The following ACSM2B variants were observed in gnomAD, a reference collection of about 807,000 sequenced individuals.
ACSM2B encodes acyl-CoA synthetase medium chain family member 2B, also known as acyl-coenzyme A synthetase ACSM2B, mitochondrial.
In ACSM2B, 58 loss-of-function variants were observed where a neutral mutation model predicts 78.6. The ratio of observed to expected loss-of-function variants is 0.74; its 90% CI spans 0.60 to 0.92. The LOEUF (loss-of-function observed/expected upper bound fraction) is 0.92. Among genes scored for constraint, ACSM2B ranks in the 40% least tolerant of loss-of-function variants. The pLI is 0.00. For missense variants in ACSM2B, 688 were observed against 711.2 expected, an observed-to-expected ratio of 0.97 and a Z score of 0.37; for synonymous variants, 257 against 256.8, an observed-to-expected ratio of 1.00 and a Z score of -0.01.
intron 10 of ACSM2B, among the ~76,000 whole-genome samples, chr16:20,543,559 C>T (rs926016133): frequency 9.2e-5 from 14 of 152,190 alleles, no homozygotes; most frequent in African/African-American, 2.9e-4. Flanking sequence ...CAATTGATTC[C>T]ATCTCTCCTT....
intron 1 of ACSM2B, chr16:20,575,700 C>A (rs1228802265): frequency 6.8e-6 from 1 of 147,104 alleles, no homozygotes; most frequent in Admixed American, 6.8e-5. Flanking sequence ...TTTGACAACA[C>A]CCTCACAGAC....
chr16:20,540,554 T>C, intron 13 of ACSM2B, 100 bp downstream of exon 13: 1 of 1,546,940 alleles, frequency 6.5e-7, no homozygotes, highest in Non-Finnish European at 8.7e-7. Flanking sequence ...AGGAAGACTT[T>C]TTAAAATTAG....
rs1227644276 is a variant in ACSM2B, at chr16:20,540,698, G to A, written c.1585C>T (p.Gln529Ter). The A allele has an allele frequency of 6.2e-7, 1 of 1,614,024 alleles. No individual in the cohort carries two copies. Among genetic ancestry groups the A allele is most frequent in the African/African-American group, 1.3e-5 (1 of 74,922 alleles). ...GGGGCTGTCACTGACTTCACATGCT[G>A]CTGCAGCTCCTTGGTGAGCTGTTCT... ...DPEQLTKELQ[Q>*]HVKSVTAPYK... Residue 529 changes from glutamine to a stop codon, truncating the protein, a stop_gained, in exon 13 of 14, where the codon CAG (glutamine) becomes TAG (stop). Coordinates refer to ENST00000329697, the MANE Select transcript of ACSM2B (RefSeq NM_001105069.2). LOFTEE classifies it high-confidence loss of function.
intron 13 of ACSM2B, 57 bp downstream of exon 13, chr16:20,540,597 A>T: frequency 3.1e-6 from 5 of 1,597,004 alleles, no homozygotes; most frequent in Non-Finnish European, 4.3e-6. Flanking sequence ...AGATAAATAT[A>T]ACAGGAAAAC....
chr16:20,570,963 C>CT (rs988467261), intron 1 of ACSM2B, among the ~76,000 whole-genome samples: 16 of 145,078 alleles, frequency 1.1e-4, no homozygotes, highest in East Asian at 3.9e-4. Flanking sequence ...TTTCTCTCTT[C>CT]TTTTTTTTGG....
intron 1 of ACSM2B, among the ~76,000 whole-genome samples, chr16:20,567,101 T>C (rs1231961786): frequency 1.5e-5 from 2 of 135,556 alleles, no homozygotes; most frequent in African/African-American, 5.4e-5. Flanking sequence ...TATAATATCA[T>C]AATATATATA....
At chr16:20,562,287 C>T (rs545487159) in intron 2 of ACSM2B, among the ~76,000 whole-genome samples, 5 of 152,220 alleles carry the variant, frequency 3.3e-5, no homozygotes, top group African/African-American at 9.6e-5. Context: ...ATAGACCCTT[C>T]GCATATCCCC....
Position 20,543,174 on chromosome 16 carries a change from T to C in ACSM2B, c.1370A>G (p.Gln457Arg). 7 of 1,613,832 alleles carry C rather than the reference T, an allele frequency of 4.3e-6. No homozygotes were observed. The highest frequency in any genetic ancestry group is 5.9e-6 in the Non-Finnish European group (7 of 1,179,872). Residue 457 changes from glutamine (Q) to arginine (R), a missense_variant, in exon 11 of 14, where the codon CAG becomes CGG. Coordinates refer to ENST00000329697, the MANE Select transcript of ACSM2B (RefSeq NM_001105069.2). ...RGIKDEDGYF[Q>R]FMGRADDIIN... ...GATATCATCTGCCCGTCCCATAAAC[T>C]GGAAATACCCATCTTCATCTTTGAT...
Position 20,553,848 on chromosome 16 carries a change from C to G in ACSM2B, c.669G>C (p.Gly223=), listed in dbSNP as rs775386976. ...QEASAIYFTS[G]TSGLPKMAEH... Reference sequence around the variant, plus strand: ...CTGCCATCTTGGGAAGACCACTGGTCCCACTAGTGAAGTAGATGGCAGATG... The same window carrying G: ...CTGCCATCTTGGGAAGACCACTGGTGCCACTAGTGAAGTAGATGGCAGATG... Residue 223 remains glycine, a synonymous_variant, in exon 5 of 14, where the codon GGG becomes GGC. Transcript: ENST00000329697. 1.2e-6 allele frequency: 2 copies of G among 1,613,866 alleles called. No individual in the cohort carries two copies. The highest frequency in any genetic ancestry group is 2.2e-5 in the East Asian group (1 of 44,862).
At chr16:20,559,482 T>C (rs757658978) in intron 2 of ACSM2B, 35 bp from the exon 3 acceptor site, 65 of 1,608,550 alleles carry the variant, frequency 4.0e-5, no homozygotes, top group South Asian at 7.8e-5. Flanking sequence ...TTAGGGGGCA[T>C]TGGTACACAA....
At chr16:20,541,387 A>G (rs2014983597) in intron 12 of ACSM2B, 1 of 152,218 alleles carries the variant, frequency 6.6e-6, no homozygotes, top group South Asian at 2.1e-4. Context: ...TTTCCTACAC[A>G]CACATCAAAG....
At position 20,537,071 on chromosome 16, in the gene ACSM2B, C is replaced by G. The variant is rs2152129497; in HGVS notation, c.*187G>C. On this transcript the variant is annotated 3_prime_UTR_variant, in exon 14 of 14. Transcript: ENST00000329697. ...TGTTACCCTCTCCTTTTCACTCTCT[C>G]TCATTCCTTCCCTTTCTTATTTCAA... The G allele has an allele frequency of 1.5e-6, 1 of 660,852 alleles. No individual in the cohort carries two copies. Among genetic ancestry groups the G allele is most frequent in the Non-Finnish European group, 2.5e-6 (1 of 400,066 alleles). 40.9% of individuals were successfully genotyped at this position (660,852 alleles called of 1,614,324 possible).
chr16:20,546,422 C>A lies in ACSM2B; in HGVS notation c.1151G>T (p.Gly384Val). 1 of 1,608,952 alleles carries A rather than the reference C, an allele frequency of 6.2e-7. No homozygotes were observed. Among genetic ancestry groups the A allele is most frequent in the South Asian group, 1.1e-5 (1 of 90,436 alleles). Reference protein sequence around the residue: ...KTMKIKPGYMGTAASCYDVQV... With the variant: ...KTMKIKPGYMVTAASCYDVQV... ...TACATCATAACAGGAAGCAGCCGTT[C>A]CCATGTATCCTGGTTTGATTTTCAT... Residue 384 changes from glycine to valine, a missense_variant, in exon 9 of 14, where the codon GGA becomes GTA. By Grantham distance (109) the Gly-to-Val change is moderately radical. Coordinates refer to ENST00000329697, the MANE Select transcript of ACSM2B (RefSeq NM_001105069.2).
intron 1 of ACSM2B, among the ~76,000 whole-genome samples, chr16:20,565,479 C>T (rs1399002949): frequency 6.6e-6 from 1 of 152,112 alleles, no homozygotes; most frequent in Non-Finnish European, 1.5e-5. Context: ...CACACAGACC[C>T]ATAGGGGGAA....
chr16:20,548,304 C>A (rs1445355816), intron 7 of ACSM2B, 90 bp downstream of exon 7: 13 of 1,604,060 alleles, frequency 8.1e-6, no homozygotes, highest in Non-Finnish European at 1.1e-5. Context: ...TCTCTGTGTG[C>A]GAGAGATTCA....
chr16:20,565,524 G>A (rs930163096), intron 1 of ACSM2B, among the ~76,000 whole-genome samples: 1 of 152,034 alleles, frequency 6.6e-6, no homozygotes, highest in East Asian at 1.9e-4. Context: ...AGATGTATAG[G>A]GTGTTTGTTA....
At chr16:20,553,153 T>C (rs1251344101) in intron 5 of ACSM2B, among the ~76,000 whole-genome samples, 1 of 152,184 alleles carries the variant, frequency 6.6e-6, no homozygotes, top group Non-Finnish European at 1.5e-5. Flanking sequence ...CATTTTCCAT[T>C]TTTTGCATTA....
chr16:20,537,532 G>C lies in ACSM2B; in HGVS notation c.1630-170C>G, dbSNP rs141242534. 6.3e-3 allele frequency among the ~76,000 whole-genome samples: 959 copies of C among 152,278 alleles called. 11 individuals are homozygous for C. Among genetic ancestry groups the C allele is most frequent in the African/African-American group, 0.022 (905 of 41,568 alleles). On this transcript the variant is annotated intron_variant, in intron 13 of 13. Coordinates refer to ENST00000329697, the MANE Select transcript of ACSM2B (RefSeq NM_001105069.2). ...GTGCTCTGGGATGAGGACAATAAGAGGATGGCTAGAATTGGGCATAAAGGT... is the reference window on the plus strand; with the variant it reads ...GTGCTCTGGGATGAGGACAATAAGACGATGGCTAGAATTGGGCATAAAGGT...
At chr16:20,564,883 A>G (rs752158390) in intron 1 of ACSM2B, 30 bp from the exon 2 acceptor site, 18 of 1,579,848 alleles carry the variant, frequency 1.1e-5, no homozygotes, top group Middle Eastern at 1.7e-4. Flanking sequence ...CACAGGTAAG[A>G]GCTTCTTTAA....
Sources: allele counts gnomAD v4.1 joint callset (sites outside exome capture counted in the v4.1 genomes callset), GRCh38; gene constraint gnomAD v4.1.1; transcripts MANE v1.5; gene names NCBI Gene and HGNC (gene_info 2026-07-23, HGNC 2026-07-21).